Variants in ABCC1 observed in about 807,000 individuals in gnomAD.
ABCC1 encodes ATP binding cassette subfamily C member 1 (ABCC1 blood group), also known as multidrug resistance-associated protein 1.
In ABCC1, 83 loss-of-function variants were observed where a neutral mutation model predicts 172.9. The ratio of observed to expected loss-of-function variants is 0.48; its 90% confidence interval spans 0.40 to 0.58. ABCC1 has a LOEUF of 0.58. ABCC1 is among the 20% of genes least tolerant of loss of function. ABCC1 has a pLI of 0.00. For synonymous variants in ABCC1, 937 were observed against 825.2 expected, an observed-to-expected ratio of 1.14 and a Z score of -2.32; for missense variants, 1,817 against 2,002.7, an observed-to-expected ratio of 0.91 and a Z score of 1.77.
intron 3 of ABCC1, among the ~76,000 whole-genome samples, chr16:16,012,054 G>A (rs536458978): frequency 8.5e-5 from 13 of 152,204 alleles, no homozygotes; most frequent in Non-Finnish European, 1.8e-4. Context: ...CTCCTGTCTG[G>A]GCCTCCTAAA....
At chr16:16,139,545 G>A (rs959680231) in intron 30 of ABCC1, among the ~76,000 whole-genome samples, 3 of 139,022 alleles carry the variant, frequency 2.2e-5, no homozygotes, top group Non-Finnish European at 4.6e-5. Context: ...CTGGGAGGTG[G>A]AGGTTGCAGT....
intron 5 of ABCC1, among the ~76,000 whole-genome samples, chr16:16,027,252 C>T (rs1401353984): frequency 1.3e-5 from 2 of 152,128 alleles, no homozygotes; most frequent in Non-Finnish European, 2.9e-5. Flanking sequence ...AAAGGGCTGG[C>T]TGATAAATAC....
chr16:16,046,065 G>C (rs1269292477), intron 9 of ABCC1, 52 bp downstream of exon 9: 18 of 1,586,378 alleles, frequency 1.1e-5, no homozygotes, highest in African/African-American at 2.7e-5. Context: ...ATCCCCTCCT[G>C]CAGCCCTGGG....
intron 14 of ABCC1, 27 bp downstream of exon 14, chr16:16,071,756 T>G: frequency 6.3e-7 from 1 of 1,599,748 alleles, no homozygotes; most frequent in Non-Finnish European, 8.5e-7. Context: ...TCCTGGCTTC[T>G]GGAAGTGGCC....
At chr16:16,044,405 C>A in intron 7 of ABCC1, 45 bp from the exon 8 acceptor site, 1 of 1,536,968 alleles carries the variant, frequency 6.5e-7, no homozygotes, top group Non-Finnish European at 9.0e-7. Flanking sequence ...TAGGGGGCTG[C>A]ATCTCTGGCA....
At position 15,973,211 on chromosome 16, in the gene ABCC1, A is replaced by ACT. The variant is rs554081243; in HGVS notation, c.48+23413_48+23414dup. On this transcript the variant is annotated intron_variant, in intron 1 of 30. Transcript: ENST00000399410. ...ACAGGTTGGTTATATTTATGTGCTT[A>ACT]CTTTAATAGCTATTAAAGTAAATAT... Among the ~76,000 whole-genome samples, 354 of 152,310 alleles carry ACT rather than the reference A, an allele frequency of 2.3e-3. 1 individual carries two copies. The highest frequency in any genetic ancestry group is 7.8e-3 in the African/African-American group (323 of 41,576).
At chr16:16,087,023 G>A (rs1222939500) in intron 18 of ABCC1, 32 bp downstream of exon 18, 1 of 1,612,710 alleles carries the variant, frequency 6.2e-7, no homozygotes, top group African/African-American at 1.3e-5. Context: ...CTTGGTGTTG[G>A]GCCGTCTCGC....
Position 16,052,730 on chromosome 16 carries a change from G to C in ABCC1, c.1387G>C (p.Gly463Arg). The C allele has an allele frequency of 6.2e-7, 1 of 1,613,968 alleles. No individual in the cohort carries two copies. Among genetic ancestry groups the C allele is most frequent in the Non-Finnish European group, 8.5e-7 (1 of 1,179,970 alleles). Residue 463 changes from glycine to arginine, a missense_variant, in exon 11 of 31, where the codon GGC (glycine) becomes CGC (arginine). Physicochemically the swap from Gly to Arg is moderately radical, Grantham distance 125 (BLOSUM62 -2). Coordinates refer to ENST00000399410, the MANE Select transcript of ABCC1 (RefSeq NM_004996.4). ...GTCTCCTTTCCTTCCTTAGAATCTG[G>C]GCCCTTCCGTCCTGGCTGGAGTGGC... Reference protein sequence around the residue: ...LALYLLWLNLGPSVLAGVAVM... With the variant: ...LALYLLWLNLRPSVLAGVAVM...
intron 1 of ABCC1, among the ~76,000 whole-genome samples, chr16:15,982,823 A>AAAAAAAAAAAAAAAT (rs1567285645): frequency 6.7e-6 from 1 of 149,306 alleles, no homozygotes; most frequent in Non-Finnish European, 1.5e-5. Flanking sequence ...AAAAAAAAAA[A>AAAAAAAAAAAAAAAT]AGGAAATCCA....
chr16:15,975,096 C>T lies in ABCC1; in HGVS notation c.48+25297C>T, dbSNP rs151129347. Among the ~76,000 whole-genome samples the T allele has an allele frequency of 1.4e-4, 21 of 152,300 alleles. 1 individual carries two copies. The East Asian group carries it at 3.5e-3, about 25-fold the overall frequency. ...GAGCCACCATGCCCAGCCTCCCCCT[C>T]ACTCTTAAGCACAGCTCTTCGGCAG... On this transcript the variant is annotated intron_variant, in intron 1 of 30. Coordinates refer to ENST00000399410, the MANE Select transcript of ABCC1 (RefSeq NM_004996.4).
At chr16:15,969,999 G>C (rs1374114050) in intron 1 of ABCC1, among the ~76,000 whole-genome samples, 1 of 152,170 alleles carries the variant, frequency 6.6e-6, no homozygotes, top group African/African-American at 2.4e-5. Flanking sequence ...GCTATGAAGG[G>C]GAGCTGCGTG....
At chr16:16,052,299 C>G (rs578181179) in intron 10 of ABCC1, among the ~76,000 whole-genome samples, 1 of 152,114 alleles carries the variant, frequency 6.6e-6, no homozygotes, top group South Asian at 2.1e-4. Flanking sequence ...AGTTGGAGAC[C>G]AGCCTGGGCA....
intron 21 of ABCC1, among the ~76,000 whole-genome samples, chr16:16,107,384 G>C (rs577464399): frequency 1.9e-4 from 29 of 152,198 alleles, no homozygotes; most frequent in African/African-American, 7.0e-4. Context: ...CTGCCTCCTG[G>C]GTTCAAGCAG....
chr16:16,013,356 C>T (rs1037744666), intron 3 of ABCC1, among the ~76,000 whole-genome samples: 4 of 151,408 alleles, frequency 2.6e-5, no homozygotes, highest in African/African-American at 4.9e-5. Flanking sequence ...GTGTAGCCTC[C>T]GCCTCCCAGG....
chr16:15,965,140 C>CT (rs1401785488), intron 1 of ABCC1, among the ~76,000 whole-genome samples: 1 of 152,118 alleles, frequency 6.6e-6, no homozygotes, highest in Admixed American at 6.5e-5. Context: ...TTTTTATTTA[C>CT]TGTAATAAGT....
chr16:16,118,586 G>T (rs543599020), intron 23 of ABCC1, among the ~76,000 whole-genome samples: 1 of 152,052 alleles, frequency 6.6e-6, no homozygotes, highest in Non-Finnish European at 1.5e-5. Flanking sequence ...TGGGTACACC[G>T]TGGAGCAATG....
chr16:16,055,937 C>A (rs1247926554), intron 11 of ABCC1, among the ~76,000 whole-genome samples, 155 bp from the exon 12 acceptor site: 1 of 149,644 alleles, frequency 6.7e-6, no homozygotes, highest in Non-Finnish European at 1.5e-5. Flanking sequence ...ATGGTGAAAC[C>A]CCATCTCTAT....
At chr16:16,069,342 C>A (rs924295365) in intron 13 of ABCC1, among the ~76,000 whole-genome samples, 2 of 151,854 alleles carry the variant, frequency 1.3e-5, no homozygotes, top group African/African-American at 2.4e-5. Context: ...CCACTACACT[C>A]CAGCCTGGGT....
intron 1 of ABCC1, among the ~76,000 whole-genome samples, chr16:15,970,774 T>A (rs574733999): frequency 2.6e-5 from 4 of 152,296 alleles, no homozygotes; most frequent in Non-Finnish European, 5.9e-5. Context: ...ATATTTTAAT[T>A]TGTACAGATG....
Sources: allele counts gnomAD v4.1 joint callset (sites outside exome capture counted in the v4.1 genomes callset), GRCh38; gene constraint gnomAD v4.1.1; transcripts MANE v1.5; gene names NCBI Gene and HGNC (gene_info 2026-07-23, HGNC 2026-07-21).